PDE4D: variants seen among roughly 807,000 people sequenced by gnomAD.
PDE4D encodes the protein 3',5'-cyclic-AMP phosphodiesterase 4D.
Under a neutral mutation model 87.4 loss-of-function variants are expected in PDE4D, and 24 were observed. The ratio of observed to expected loss-of-function variants is 0.27; its 90% CI spans 0.20 to 0.39. The LOEUF is 0.39. Among genes scored for constraint, PDE4D ranks in the 10% least tolerant of loss-of-function variants. The pLI is 1.00. For missense variants in PDE4D, 714 were observed against 1,041.0 expected (o/e 0.69, Z 4.32); for synonymous variants, 384 against 383.2 (o/e 1.00, Z -0.02).
intron 1 of PDE4D, among the ~76,000 whole-genome samples, chr5:60,298,437 T>C (rs1489972922): frequency 6.6e-6 from 1 of 152,154 alleles, no homozygotes; most frequent in Non-Finnish European, 1.5e-5. Context: ...TGCAAAAAAA[T>C]GTATGCAACT....
In PDE4D at chr5:59,947,946, G is replaced by A. The variant is rs149345376; in HGVS notation, c.272+40542C>T. ...CACTTGAACCCAAGAGGTGGAGGTT[G>A]CAGTGAGCTGAGATGGTGCCACTGC... On this transcript the variant is annotated intron_variant, in intron 3 of 16. Transcript: ENST00000502484. Among the ~76,000 whole-genome samples the A allele has an allele frequency of 4.3e-3, 653 of 152,298 alleles. 12 individuals carry two copies. The highest frequency in any genetic ancestry group is 0.038 in the Admixed American group (587 of 15,304).
chr5:59,700,507 A>T (rs1752411762), intron 1 of PDE4D, among the ~76,000 whole-genome samples: 1 of 152,210 alleles, frequency 6.6e-6, no homozygotes, highest in South Asian at 2.1e-4. Flanking sequence ...TGGGAGAAAA[A>T]AATCACGTAG....
At chr5:60,134,629 G>A (rs912862851) in intron 2 of PDE4D, among the ~76,000 whole-genome samples, 1 of 152,154 alleles carries the variant, frequency 6.6e-6, no homozygotes, top group African/African-American at 2.4e-5. Context: ...ATAGGAAATG[G>A]CATAGTGTTT....
At chr5:60,360,561 A>T (rs1447923918) in intron 1 of PDE4D, among the ~76,000 whole-genome samples, 1 of 152,216 alleles carries the variant, frequency 6.6e-6, no homozygotes, top group Non-Finnish European at 1.5e-5. Context: ...TCAGCGAAGA[A>T]AATCCCTTCT....
chr5:60,175,422 T>G (rs937610771), intron 2 of PDE4D, among the ~76,000 whole-genome samples: 1 of 152,146 alleles, frequency 6.6e-6, no homozygotes, highest in Non-Finnish European at 1.5e-5. Context: ...ATATATCACA[T>G]GTTTATGTGT....
chr5:59,482,585 T>C (rs1482385053), intron 1 of PDE4D, among the ~76,000 whole-genome samples: 15 of 152,160 alleles, frequency 9.9e-5, no homozygotes. Context: ...AAAAAGGTGA[T>C]TCGCCCTTGT....
intron 2 of PDE4D, among the ~76,000 whole-genome samples, chr5:60,153,521 C>T (rs1781702043): frequency 6.6e-6 from 1 of 152,072 alleles, no homozygotes; most frequent in East Asian, 1.9e-4. Context: ...TACTTCGGGG[C>T]ATATATCCAA....
chr5:59,835,807 G>A (rs2152702520), intron 1 of PDE4D, among the ~76,000 whole-genome samples: 1 of 152,118 alleles, frequency 6.6e-6, no homozygotes, highest in Non-Finnish European at 1.5e-5. Flanking sequence ...GCTCAGAGTA[G>A]ATGGTCCTGG....
At chr5:59,437,994 A>C (rs1291771276) in intron 1 of PDE4D, among the ~76,000 whole-genome samples, 2 of 152,200 alleles carry the variant, frequency 1.3e-5, no homozygotes, top group African/African-American at 4.8e-5. Context: ...AGCAGGGGAA[A>C]CACTAGAAGC....
intron 1 of PDE4D, among the ~76,000 whole-genome samples, chr5:59,519,032 C>A (rs1423343600): frequency 6.6e-6 from 1 of 152,182 alleles, no homozygotes; most frequent in East Asian, 1.9e-4. Flanking sequence ...GTAAAGCCAA[C>A]ATGAGACTTT....
chr5:59,548,606 A>T, intron 1 of PDE4D, among the ~76,000 whole-genome samples: 1 of 152,188 alleles, frequency 6.6e-6, no homozygotes, highest in East Asian at 1.9e-4. Context: ...TGCTACAGAG[A>T]AAAATAATGC....
chr5:59,131,452 C>G lies in PDE4D; in HGVS notation c.808+49143G>C, dbSNP rs77633351. On this transcript the variant is annotated intron_variant, in intron 5 of 14. Transcript: ENST00000340635. ...AGTAGCTGTGTTTCGCACTGCAAGT[C>G]ATTTTTGAGAGCATATGAAATAACT... Among the ~76,000 whole-genome samples the G allele has an allele frequency of 3.0e-3, 460 of 152,248 alleles. 9 individuals are homozygous for G. The East Asian group carries it at 0.054, about 18-fold the overall frequency.
intron 1 of PDE4D, among the ~76,000 whole-genome samples, chr5:59,485,289 A>C (rs1804930194): frequency 6.6e-6 from 1 of 152,170 alleles, no homozygotes; most frequent in Non-Finnish European, 1.5e-5. Context: ...TGATTTGTGC[A>C]ATGTGTCAGC....
intron 3 of PDE4D, among the ~76,000 whole-genome samples, chr5:59,933,792 T>TATATATATATATATATATATATATATA (rs1561879282): frequency 2.0e-5 from 2 of 99,418 alleles, no homozygotes; most frequent in African/African-American, 9.7e-5. Flanking sequence ...ATATATATAT[T>TATATATATATATATATATATATATATA]AATAAGCATT....
At chr5:59,252,964 T>C (rs1415498737) in intron 1 of PDE4D, among the ~76,000 whole-genome samples, 1 of 152,176 alleles carries the variant, frequency 6.6e-6, no homozygotes, top group African/African-American at 2.4e-5. Flanking sequence ...CATAACAACG[T>C]GCACACACAG....
chr5:59,715,178 C>T (rs896412124), intron 1 of PDE4D, among the ~76,000 whole-genome samples: 3 of 152,224 alleles, frequency 2.0e-5, no homozygotes, highest in Admixed American at 6.5e-5. Context: ...TTGATAACAA[C>T]CCCCCGGACT....
At chr5:59,655,574 C>T (rs1744221622) in intron 1 of PDE4D, among the ~76,000 whole-genome samples, 1 of 152,134 alleles carries the variant, frequency 6.6e-6, no homozygotes, top group South Asian at 2.1e-4. Flanking sequence ...TCATTTCCAA[C>T]CTGCTTTATT....
At chr5:60,323,831 C>T (rs759814221) in intron 1 of PDE4D, among the ~76,000 whole-genome samples, 5 of 137,876 alleles carry the variant, frequency 3.6e-5, no homozygotes, top group African/African-American at 1.1e-4. Context: ...AATTTCAGTG[C>T]CCTGATCTGC....
At chr5:60,236,288 C>T (rs1264937787) in intron 1 of PDE4D, among the ~76,000 whole-genome samples, 1 of 151,702 alleles carries the variant, frequency 6.6e-6, no homozygotes, top group African/African-American at 2.4e-5. Context: ...ATGGCCCCTG[C>T]TAAGGGATTG....
Sources: allele counts gnomAD v4.1 joint callset (sites outside exome capture counted in the v4.1 genomes callset), GRCh38; gene constraint gnomAD v4.1.1; transcripts MANE v1.5; gene names NCBI Gene and HGNC (gene_info 2026-07-23, HGNC 2026-07-21).